The following CYP3A5 variants were observed in gnomAD, a reference collection of about 807,000 sequenced individuals.
The protein encoded by CYP3A5 is cytochrome P450 family 3 subfamily A member 5, also known as cytochrome P450 3A5.
In CYP3A5, 51 loss-of-function variants were observed where a neutral mutation model predicts 55.9. The observed-to-expected ratio is 0.91, with a 90% confidence interval of 0.73 to 1.15. CYP3A5 has a LOEUF of 1.15. CYP3A5 is among the 50% of genes most tolerant of loss of function. The probability of loss-of-function intolerance (pLI) is 0.00; values close to 1 mark genes in which losing one functional copy is unlikely to be tolerated. For synonymous variants in CYP3A5, 196 were observed against 213.9 expected, an observed-to-expected ratio of 0.92 and a Z score of 0.73; for missense variants, 533 against 596.6, an observed-to-expected ratio of 0.89 and a Z score of 1.11.
intron 9 of CYP3A5, 72 bp from the exon 10 acceptor site, chr7:99,660,731 G>GC: frequency 6.4e-7 from 1 of 1,553,860 alleles, no homozygotes; most frequent in Non-Finnish European, 8.8e-7. Context: ...TGAAATCTAA[G>GC]TGAAGCTCTC....
At position 99,660,547 on chromosome 7, in the gene CYP3A5, A is replaced by G; in HGVS notation, c.978T>C (p.Asp326=). 1.2e-6 allele frequency: 2 copies of G among 1,613,830 alleles called. No homozygotes were observed. Among genetic ancestry groups the G allele is most frequent in the Non-Finnish European group, 1.7e-6 (2 of 1,179,890 alleles). The change falls in exon 10 of 13, where the codon GAT becomes GAC. Residue 326 remains aspartate (D), a synonymous_variant. Transcript: ENST00000222982. The part of the protein sequence containing the change: ...FTLYELATHP[D]VQQKLQKEID... ...TCTCCTTTTGCAGTTTCTGCTGGAC[A>G]TCAGGGTGAGTGGCCAGTTCATATA...
At chr7:99,661,221 C>A (rs1464272535) in intron 9 of CYP3A5, among the ~76,000 whole-genome samples, 1 of 152,206 alleles carries the variant, frequency 6.6e-6, no homozygotes, top group Non-Finnish European at 1.5e-5. Flanking sequence ...CATGGACCAG[C>A]AGCACCAGCC....
chr7:99,663,803 T>C (rs1810681993), intron 8 of CYP3A5, 165 bp downstream of exon 8: 1 of 1,328,854 alleles, frequency 7.5e-7, no homozygotes, highest in African/African-American at 1.5e-5. Context: ...CATTCTCATC[T>C]CCTTCCCCAA....
At chr7:99,674,724 GA>G (rs1812053445) in intron 2 of CYP3A5, 139 bp from the exon 3 acceptor site, 2 of 628,326 alleles carry the variant, frequency 3.2e-6, no homozygotes, top group African/African-American at 3.7e-5. Context: ...GCTATTCAGA[GA>G]TGTCTTAAGG....
chr7:99,667,362 G>T (rs1378816468), intron 4 of CYP3A5, among the ~76,000 whole-genome samples: 1 of 152,140 alleles, frequency 6.6e-6, no homozygotes, highest in Non-Finnish European at 1.5e-5. Flanking sequence ...TCTTCCAGTG[G>T]AATAGACAGG....
At chr7:99,665,082 G>A (rs1810860612) in intron 7 of CYP3A5, 84 bp downstream of exon 7, 1 of 1,169,498 alleles carries the variant, frequency 8.6e-7, no homozygotes, top group Non-Finnish European at 1.2e-6. Context: ...TACCTTTTAA[G>A]TGGATGAATT....
chr7:99,666,927 A>G, intron 5 of CYP3A5, 25 bp downstream of exon 5: 1 of 1,610,476 alleles, frequency 6.2e-7, no homozygotes, highest in Non-Finnish European at 8.5e-7. Context: ...TACATTTCTA[A>G]TTAAGACTCA....
chr7:99,673,521 A>C (rs1292205905), intron 3 of CYP3A5, among the ~76,000 whole-genome samples: 1 of 152,222 alleles, frequency 6.6e-6, no homozygotes, highest in Non-Finnish European at 1.5e-5. Flanking sequence ...TCCTTCTATT[A>C]AGAAGTTTTG....
chr7:99,669,159 T>G (rs1008617236), intron 4 of CYP3A5, among the ~76,000 whole-genome samples: 5 of 152,218 alleles, frequency 3.3e-5, no homozygotes, highest in African/African-American at 1.2e-4. Context: ...GAAGGAAGAT[T>G]GTTCAATGAA....
At chr7:99,663,058 A>G in intron 8 of CYP3A5, 176 bp from the exon 9 acceptor site, 2 of 1,346,690 alleles carry the variant, frequency 1.5e-6, no homozygotes, top group South Asian at 1.7e-5. Context: ...AAATCCTTGG[A>G]AAGCAGGATG....
At chr7:99,667,245 T>TG (rs1811119069) in intron 4 of CYP3A5, among the ~76,000 whole-genome samples, 180 bp from the exon 5 acceptor site, 1 of 41,190 alleles carries the variant, frequency 2.4e-5, no homozygotes, top group African/African-American at 9.8e-5. Flanking sequence ...TCTGAGTGTA[T>TG]GTGGGGCGGG....
At chr7:99,669,522 T>G (rs1462107564) in intron 4 of CYP3A5, among the ~76,000 whole-genome samples, 3 of 152,236 alleles carry the variant, frequency 2.0e-5, no homozygotes, top group Admixed American at 6.5e-5. Context: ...CTTGAGAAAC[T>G]GATATTTCTA....
intron 10 of CYP3A5, chr7:99,660,072 C>G (rs567918951): frequency 4.6e-4 from 192 of 413,230 alleles, no homozygotes; most frequent in Non-Finnish European, 6.1e-4. Flanking sequence ...ACCCACTGTC[C>G]TGCACCCACT....
At chr7:99,678,064 G>T (rs1048877341) in intron 1 of CYP3A5, among the ~76,000 whole-genome samples, 19 of 152,208 alleles carry the variant, frequency 1.2e-4, no homozygotes, top group Non-Finnish European at 2.4e-4. Flanking sequence ...GCATGTAATT[G>T]TGTTGGCCTA....
intron 10 of CYP3A5, chr7:99,659,764 C>T (rs1298798909): frequency 1.3e-5 from 2 of 153,738 alleles, no homozygotes; most frequent in East Asian, 3.8e-4. Flanking sequence ...CTACTCAAGC[C>T]TTAGCAATGG....
At chr7:99,676,844 A>G (rs1368140465) in intron 1 of CYP3A5, among the ~76,000 whole-genome samples, 1 of 151,914 alleles carries the variant, frequency 6.6e-6, no homozygotes, top group Non-Finnish European at 1.5e-5. Context: ...CATGGCTTCT[A>G]TTGGCCTTAT....
At chr7:99,665,587 C>A (rs1183461181) in intron 6 of CYP3A5, among the ~76,000 whole-genome samples, 2 of 152,296 alleles carry the variant, frequency 1.3e-5, no homozygotes, top group African/African-American at 2.4e-5. Context: ...GACAGAGACC[C>A]ATTATCAGAC....
chr7:99,657,738 A>G (rs1809916450), intron 10 of CYP3A5, among the ~76,000 whole-genome samples: 1 of 152,174 alleles, frequency 6.6e-6, no homozygotes, highest in South Asian at 2.1e-4. Context: ...GTAAGTCTCT[A>G]AAGACTTGCT....
rs748590327 is a variant in CYP3A5 at position 99,665,180 on chromosome 7, A to G, written c.656T>C (p.Leu219Ser). The change falls in exon 7 of 13, where the codon TTA (leucine) becomes TCA (serine). Residue 219 changes from leucine (L) to serine (S), a missense_variant. Coordinates refer to ENST00000222982, the MANE Select transcript of CYP3A5 (RefSeq NM_000777.5). ...KFLKFGFLDPLFLSIILFPFL... is the reference protein window; with the variant it reads ...KFLKFGFLDPSFLSIILFPFL... Reference sequence around the variant, plus strand: ...AGCCCACATACTTATTGAGAGAAATAATGGATCTAAGAAACCAAATTTTAG... The same window carrying G: ...AGCCCACATACTTATTGAGAGAAATGATGGATCTAAGAAACCAAATTTTAG... The G allele has an allele frequency of 1.9e-6, 3 of 1,611,700 alleles. No homozygotes were observed. Among genetic ancestry groups the G allele is most frequent in the Non-Finnish European group, 2.5e-6 (3 of 1,178,294 alleles).
Sources: allele counts gnomAD v4.1 joint callset (sites outside exome capture counted in the v4.1 genomes callset), GRCh38; gene constraint gnomAD v4.1.1; transcripts MANE v1.5; gene names NCBI Gene and HGNC (gene_info 2026-07-23, HGNC 2026-07-21).